GALNT13: variants seen among roughly 807,000 people sequenced by gnomAD.
The protein encoded by GALNT13 is UDP-GalNAc:polypeptide N-acetylgalactosaminyltransferase 13.
In GALNT13, 28 loss-of-function variants were observed where a neutral mutation model predicts 64.2. That is an observed-to-expected ratio of 0.44 (90% confidence interval 0.32 to 0.60). The LOEUF (loss-of-function observed/expected upper bound fraction) is 0.60. Ranked by LOEUF, GALNT13 falls within the 20% of genes least tolerant of loss-of-function variation. The pLI, the probability that GALNT13 is intolerant of heterozygous loss-of-function variation, is 0.05. For missense variants in GALNT13, 577 were observed against 669.8 expected (o/e 0.86, Z 1.53); for synonymous variants, 214 against 224.6 (o/e 0.95, Z 0.42).
At chr2:154,049,001 C>T (rs943473833) in intron 3 of GALNT13, among the ~76,000 whole-genome samples, 4 of 121,996 alleles carry the variant, frequency 3.3e-5, no homozygotes, top group Non-Finnish European at 7.0e-5. Flanking sequence ...TAAGATATTA[C>T]GTGGAACTTA....
At chr2:153,408,646 TTTTTTGTTTTTG>T in the GALNT13 span, among the ~76,000 whole-genome samples, 1 of 151,608 alleles carries the variant, frequency 6.6e-6, no homozygotes, top group South Asian at 2.1e-4. Flanking sequence ...GTTGTTGTTG[TTTTTTGTTTTTG>T]TTTTTGTTTT....
At chr2:154,431,774 C>T (rs1700721601) in intron 11 of GALNT13, among the ~76,000 whole-genome samples, 1 of 152,150 alleles carries the variant, frequency 6.6e-6, no homozygotes, top group African/African-American at 2.4e-5. Flanking sequence ...ATGTTGTTCT[C>T]ATGATAGTGA....
the GALNT13 span, among the ~76,000 whole-genome samples, chr2:153,388,477 G>C: frequency 3.0e-4 from 46 of 152,032 alleles, no homozygotes; most frequent in Non-Finnish European, 5.1e-4. Context: ...AAAGCATTTA[G>C]TTTGGTGCCA....
intron 4 of GALNT13, among the ~76,000 whole-genome samples, chr2:154,224,728 A>G (rs1285472617): frequency 6.6e-6 from 1 of 152,120 alleles, no homozygotes; most frequent in Non-Finnish European, 1.5e-5. Context: ...ATATAATTTG[A>G]CACAAATCTC....
chr2:153,626,025 A>G, the GALNT13 span, among the ~76,000 whole-genome samples: 1 of 152,102 alleles, frequency 6.6e-6, no homozygotes, highest in Non-Finnish European at 1.5e-5. Context: ...AAATCATGAA[A>G]CTTGCTCTAA....
the GALNT13 span, among the ~76,000 whole-genome samples, chr2:153,774,976 G>A: frequency 6.6e-6 from 1 of 152,124 alleles, no homozygotes; most frequent in Non-Finnish European, 1.5e-5. Context: ...ACATGCTCAA[G>A]CACATTCTCT....
chr2:153,322,221 T>C, the GALNT13 span, among the ~76,000 whole-genome samples: 1 of 152,084 alleles, frequency 6.6e-6, no homozygotes, highest in African/African-American at 2.4e-5. Context: ...TGTCCATGAG[T>C]ACCCATTGTT....
the GALNT13 span, among the ~76,000 whole-genome samples, chr2:153,865,562 G>A: frequency 2.3e-5 from 2 of 85,708 alleles, no homozygotes; most frequent in African/African-American, 4.7e-5. Flanking sequence ...ATGAAAAAAT[G>A]CTCATCATCA....
intron 4 of GALNT13, among the ~76,000 whole-genome samples, chr2:154,163,867 G>C (rs952724384): frequency 2.2e-4 from 34 of 152,110 alleles, no homozygotes; most frequent in African/African-American, 8.2e-4. Context: ...GTCATAAGCT[G>C]TTTTCCTCAG....
intron 9 of GALNT13, among the ~76,000 whole-genome samples, chr2:154,343,424 G>T (rs1031972830): frequency 3.9e-5 from 6 of 151,922 alleles, no homozygotes; most frequent in Non-Finnish European, 8.8e-5. Flanking sequence ...TTTCAAACTG[G>T]CAAGCAAACA....
Position 154,080,060 on chromosome 2 carries a change from G to A in GALNT13, c.143-60277G>A, listed in dbSNP as rs568097215. Among the ~76,000 whole-genome samples, 4 of 151,646 alleles carry A rather than the reference G, an allele frequency of 2.6e-5. No homozygotes were observed. In the South Asian group the frequency reaches 6.2e-4, roughly 24 times the overall value. On this transcript the variant is annotated intron_variant, in intron 3 of 12. Transcript: ENST00000392825. Reference sequence around the variant, plus strand: ...AAGGGCTTTTTTGTTGAATTTTAAAGGAAGTTTAGATTTTTAAAAACCCAA... The same window carrying A: ...AAGGGCTTTTTTGTTGAATTTTAAAAGAAGTTTAGATTTTTAAAAACCCAA...
the GALNT13 span, among the ~76,000 whole-genome samples, chr2:153,816,259 T>C: frequency 6.6e-6 from 1 of 152,130 alleles, no homozygotes. Flanking sequence ...TGGGCAGATA[T>C]CTGACTCCTG....
the GALNT13 span, among the ~76,000 whole-genome samples, chr2:153,258,379 C>CAAAACAAAACAAAAT: frequency 7.2e-6 from 1 of 138,504 alleles, no homozygotes; most frequent in Non-Finnish European, 1.6e-5. Context: ...AAAAACAAAA[C>CAAAACAAAACAAAAT]AAAACAAAAC....
chr2:153,665,139 G>A, the GALNT13 span, among the ~76,000 whole-genome samples: 1 of 152,186 alleles, frequency 6.6e-6, no homozygotes, highest in African/African-American at 2.4e-5. Flanking sequence ...TTTCAATGGG[G>A]ACTAAGATGC....
the GALNT13 span, among the ~76,000 whole-genome samples, chr2:153,408,879 A>G: frequency 6.6e-6 from 1 of 152,182 alleles, no homozygotes; most frequent in African/African-American, 2.4e-5. Flanking sequence ...TCAGTGAGTC[A>G]GAGGCAGATG....
chr2:153,457,232 A>G, the GALNT13 span, among the ~76,000 whole-genome samples: 1 of 152,282 alleles, frequency 6.6e-6, no homozygotes, highest in East Asian at 1.9e-4. Context: ...TTTTATGTGG[A>G]GGTAATTTTG....
At chr2:154,147,218 C>T (rs1439120812) in intron 4 of GALNT13, among the ~76,000 whole-genome samples, 1 of 151,764 alleles carries the variant, frequency 6.6e-6, no homozygotes, top group Non-Finnish European at 1.5e-5. Context: ...TTCTGACTTT[C>T]TAAAGTTGGT....
At chr2:153,212,185 A>G in the GALNT13 span, among the ~76,000 whole-genome samples, 5 of 152,080 alleles carry the variant, frequency 3.3e-5, no homozygotes, top group African/African-American at 1.2e-4. Flanking sequence ...CTAGGTACAT[A>G]TCCTTTGCTG....
At chr2:153,684,069 AATATAT>A in the GALNT13 span, among the ~76,000 whole-genome samples, 38,590 of 148,336 alleles carry the variant, frequency 0.26, 5,737 homozygotes, top group Middle Eastern at 0.51. Flanking sequence ...TCTTCATAAT[AATATAT>A]ATATATATAT....
Sources: gnomAD v4.1 joint callset for allele counts (sites outside exome capture counted in the v4.1 genomes callset) on GRCh38, gnomAD v4.1.1 for gene constraint, MANE v1.5 for transcripts, NCBI Gene and HGNC (gene_info 2026-07-23, HGNC 2026-07-21) for gene names.